The following ATG4C variants were observed in gnomAD, a reference collection of about 807,000 sequenced individuals.
The protein encoded by ATG4C is cysteine protease ATG4C.
A neutral mutation model predicts 57.6 loss-of-function variants in ATG4C; 56 were observed. The ratio of observed to expected loss-of-function variants is 0.97; its 90% confidence interval spans 0.78 to 1.21. The LOEUF (loss-of-function observed/expected upper bound fraction) is 1.21. ATG4C is among the 50% of genes most tolerant of loss of function. The probability of loss-of-function intolerance (pLI) is 0.00; values close to 1 mark genes in which losing one functional copy is unlikely to be tolerated. For missense variants in ATG4C, 595 were observed against 529.8 expected (o/e 1.12, Z -1.21); for synonymous variants, 157 against 174.1 (o/e 0.90, Z 0.78).
chr1:62,812,877 A>G (rs1207698683), intron 3 of ATG4C, among the ~76,000 whole-genome samples: 1 of 152,128 alleles, frequency 6.6e-6, no homozygotes, highest in African/African-American at 2.4e-5. Context: ...CACAATTGCC[A>G]CGAAGAGAAT....
At chr1:62,784,512 A>G (rs1282037414) in intron 1 of ATG4C, among the ~76,000 whole-genome samples, 1 of 152,192 alleles carries the variant, frequency 6.6e-6, no homozygotes, top group Non-Finnish European at 1.5e-5. Context: ...AACTGTGGGC[A>G]GCTGTTCCTC....
rs376896003 is a variant in ATG4C, at chr1:62,816,726, A to G, written c.312A>G (p.Thr104=). The change falls in exon 4 of 11, where the codon ACA becomes ACG. Residue 104 remains threonine, a synonymous_variant. Transcript: ENST00000317868. ...EFPQIEGSAL[T]TDCGWGCTLR... is the part of the protein sequence containing the mutation. ...CTCAAATAGAAGGCTCAGCTTTGAC[A>G]ACAGACTGTGGGTGGGGCTGCACAT... The G allele has an allele frequency of 6.2e-7, 1 of 1,613,884 alleles. No homozygotes were observed. The highest frequency in any genetic ancestry group is 1.3e-5 in the African/African-American group (1 of 75,046).
In ATG4C at chr1:62,854,283, CT is replaced by C. The variant is rs1342310702; in HGVS notation, c.1210-9696del. Among the ~76,000 whole-genome samples the C allele has an allele frequency of 4.4e-3, 612 of 138,506 alleles. 1 individual carries two copies. Among genetic ancestry groups the C allele is most frequent in the African/African-American group, 0.012 (467 of 38,066 alleles). 90.9% of individuals were successfully genotyped at this position (138,506 alleles called of 152,430 possible). On this transcript the variant is annotated intron_variant, in intron 10 of 10. Transcript: ENST00000317868. ...TGTTTTTTCTTTTCTCTTTTTCTTT[CT>C]TTTTTTTTTTTTCAGACAGAGTCTT... is the stretch of plus-strand genomic sequence containing the variant.
At chr1:62,791,983 T>G (rs889547292) in intron 1 of ATG4C, among the ~76,000 whole-genome samples, 2 of 152,132 alleles carry the variant, frequency 1.3e-5, no homozygotes, top group Non-Finnish European at 2.9e-5. Flanking sequence ...CCATGTCAAC[T>G]TGCTACTTTT....
rs1334688297 is a variant in ATG4C at position 62,816,196 on chromosome 1, G to A, written c.161-379G>A. 2.6e-5 allele frequency among the ~76,000 whole-genome samples: 4 copies of A among 152,136 alleles called. 1 individual carries two copies. In the South Asian group the frequency reaches 8.3e-4, roughly 32 times the overall value. ...AATGATTTTTTTTCTTCACTACTTT[G>A]AAGATGTTGCTGCACTATCTTCTTC... is the stretch of plus-strand genomic sequence containing the variant. On this transcript the variant is annotated intron_variant, in intron 3 of 10. Coordinates refer to ENST00000317868, the MANE Select transcript of ATG4C (RefSeq NM_032852.4).
At chr1:62,813,880 A>G (rs1665173938) in intron 3 of ATG4C, among the ~76,000 whole-genome samples, 2 of 152,250 alleles carry the variant, frequency 1.3e-5, no homozygotes, top group South Asian at 4.1e-4. Flanking sequence ...AAATGCAATC[A>G]AAACCACAAT....
chr1:62,805,378 T>G (rs1664844967), intron 3 of ATG4C, 123 bp downstream of exon 3: 1 of 1,263,108 alleles, frequency 7.9e-7, no homozygotes, highest in Non-Finnish European at 1.0e-6. Flanking sequence ...GTATTTCTTA[T>G]AGCTCATAAT....
intron 6 of ATG4C, among the ~76,000 whole-genome samples, chr1:62,826,239 ATT>A (rs34163191): frequency 1.7e-3 from 229 of 135,446 alleles, no homozygotes; most frequent in Middle Eastern, 3.9e-3. Context: ...ACCATTCCCT[ATT>A]TTTTTTTTTT....
chr1:62,814,582 T>A (rs6660873), intron 3 of ATG4C, among the ~76,000 whole-genome samples: 58,082 of 152,078 alleles, frequency 0.38, 11,899 homozygotes, highest in East Asian at 0.67. Flanking sequence ...ATTCCTGAAC[T>A]TAAAGTATAA....
At chr1:62,827,630 A>G (rs1665705804) in intron 6 of ATG4C, among the ~76,000 whole-genome samples, 1 of 152,188 alleles carries the variant, frequency 6.6e-6, no homozygotes. Context: ...ATAAGTATCT[A>G]TTGAATACAT....
chr1:62,841,621 C>A, intron 10 of ATG4C, 74 bp downstream of exon 10: 1 of 1,228,742 alleles, frequency 8.1e-7, no homozygotes, highest in Non-Finnish European at 1.1e-6. Flanking sequence ...AAGCAAAAAC[C>A]TGTAAATTAT....
At chr1:62,829,546 C>G (rs1440329452) in intron 7 of ATG4C, among the ~76,000 whole-genome samples, 2 of 152,054 alleles carry the variant, frequency 1.3e-5, no homozygotes, top group Non-Finnish European at 2.9e-5. Flanking sequence ...AAAAAACTCT[C>G]TATTACTGCT....
intron 4 of ATG4C, among the ~76,000 whole-genome samples, chr1:62,817,384 T>C (rs1208917262): frequency 6.6e-6 from 1 of 152,212 alleles, no homozygotes; most frequent in Non-Finnish European, 1.5e-5. Context: ...CTCACTCTGT[T>C]GCTCAGGCTA....
chr1:62,854,259 G>GT (rs889827334), intron 10 of ATG4C, among the ~76,000 whole-genome samples: 20 of 145,448 alleles, frequency 1.4e-4, no homozygotes, highest in Non-Finnish European at 2.7e-4. Context: ...TCATGGTTTT[G>GT]TTTTTTCTTT....
At chr1:62,811,511 G>T (rs1055260824) in intron 3 of ATG4C, among the ~76,000 whole-genome samples, 2 of 152,172 alleles carry the variant, frequency 1.3e-5, no homozygotes, top group South Asian at 2.1e-4. Flanking sequence ...CTTACAATTT[G>T]TCTGTGAGCT....
chr1:62,858,951 C>T (rs1269016334), intron 10 of ATG4C, among the ~76,000 whole-genome samples: 1 of 152,128 alleles, frequency 6.6e-6, no homozygotes, highest in African/African-American at 2.4e-5. Context: ...TACAGTCATA[C>T]ATTGCTTAAT....
chr1:62,833,642 A>G (rs1262423957), intron 7 of ATG4C, among the ~76,000 whole-genome samples: 2 of 152,128 alleles, frequency 1.3e-5, no homozygotes, highest in South Asian at 2.1e-4. Context: ...AGGACTAAGA[A>G]CTATCTTTAG....
At chr1:62,791,900 T>G (rs1664286648) in intron 1 of ATG4C, among the ~76,000 whole-genome samples, 1 of 151,250 alleles carries the variant, frequency 6.6e-6, no homozygotes, top group South Asian at 2.1e-4. Flanking sequence ...TGAAATCTCA[T>G]AGTCACTTTA....
intron 6 of ATG4C, among the ~76,000 whole-genome samples, chr1:62,824,552 TA>T (rs773709512): frequency 1.3e-5 from 2 of 152,068 alleles, no homozygotes; most frequent in Admixed American, 6.6e-5. Context: ...TTGAATAAAA[TA>T]AAATTTTGTC....
Sources: gnomAD v4.1 joint callset for allele counts (sites outside exome capture counted in the v4.1 genomes callset) on GRCh38, gnomAD v4.1.1 for gene constraint, MANE v1.5 for transcripts, NCBI Gene and HGNC (gene_info 2026-07-23, HGNC 2026-07-21) for gene names.